The following HMGB1 variants were observed in gnomAD, a reference collection of about 807,000 sequenced individuals.
HMGB1 encodes high mobility group protein B1.
For synonymous variants in HMGB1, 81 were observed against 84.0 expected (o/e 0.96, Z 0.19); for missense variants, 79 against 253.5 (o/e 0.31, Z 4.67).
chr13:30,586,239 T>C (rs1322728238), intron 1 of HMGB1, among the ~76,000 whole-genome samples: 4 of 152,084 alleles, frequency 2.6e-5, no homozygotes, highest in African/African-American at 7.2e-5. Flanking sequence ...ATCTTTAACA[T>C]AGCTGATAAT....
chr13:30,580,877 A>C (rs1870870243), intron 1 of HMGB1, among the ~76,000 whole-genome samples: 2 of 152,150 alleles, frequency 1.3e-5, no homozygotes, highest in Non-Finnish European at 2.9e-5. Flanking sequence ...GCTAATCCTC[A>C]TTGGTCGTTA....
At chr13:30,491,979 T>C (rs556513812) in intron 1 of HMGB1, among the ~76,000 whole-genome samples, 2 of 151,732 alleles carry the variant, frequency 1.3e-5, no homozygotes, top group South Asian at 2.1e-4. Context: ...CCATCCTGGC[T>C]AACAAGGTGA....
intron 1 of HMGB1, among the ~76,000 whole-genome samples, chr13:30,506,221 GA>G (rs1410704145): frequency 2.0e-5 from 3 of 152,170 alleles, no homozygotes; most frequent in Non-Finnish European, 4.4e-5. Context: ...TTGCAGGGAG[GA>G]ATGAGCTGAG....
intron 1 of HMGB1, among the ~76,000 whole-genome samples, chr13:30,499,107 C>T (rs555812988): frequency 5.6e-4 from 85 of 152,158 alleles, no homozygotes; most frequent in African/African-American, 2.0e-3. Flanking sequence ...TGTGCACTAC[C>T]ATGCCCAGCT....
Position 30,587,926 on chromosome 13 carries a change from G to T in HMGB1, c.-15+28745C>A, listed in dbSNP as rs149565335. ...GCTCAATACATAATGACTAATCTCTGGAAAAAAGCAAGTGTGAGAATGGAA... is the reference window on the plus strand; with the variant it reads ...GCTCAATACATAATGACTAATCTCTTGAAAAAAGCAAGTGTGAGAATGGAA... On this transcript the variant is annotated intron_variant, in intron 1 of 4. Transcript: ENST00000405805. Among the ~76,000 whole-genome samples the T allele has an allele frequency of 3.6e-3, 542 of 152,196 alleles. 2 individuals are homozygous for T. The highest frequency in any genetic ancestry group is 0.011 in the African/African-American group (460 of 41,524).
intron 1 of HMGB1, among the ~76,000 whole-genome samples, chr13:30,584,885 C>CT (rs1394723409): frequency 1.3e-5 from 2 of 152,200 alleles, no homozygotes; most frequent in East Asian, 3.9e-4. Flanking sequence ...CAGTGGTTCA[C>CT]GCCTGTAATC....
intron 1 of HMGB1, among the ~76,000 whole-genome samples, chr13:30,482,144 T>G (rs9550568): frequency 2.6e-5 from 4 of 152,118 alleles, no homozygotes; most frequent in Non-Finnish European, 5.9e-5. Context: ...AGGTTAATAT[T>G]TCTCTTGGAG....
At chr13:30,576,279 C>T (rs898155161) in intron 1 of HMGB1, among the ~76,000 whole-genome samples, 1 of 152,120 alleles carries the variant, frequency 6.6e-6, no homozygotes, top group Admixed American at 6.5e-5. Context: ...AAATTCTACT[C>T]CTGCCTGTAC....
upstream of HMGB1, among the ~76,000 whole-genome samples, chr13:30,470,823 AT>A (rs1273161564): frequency 6.6e-6 from 1 of 151,598 alleles, no homozygotes; most frequent in African/African-American, 2.4e-5. Flanking sequence ...TAATTTTTGT[AT>A]TTTTAGTAGA....
At chr13:30,599,800 T>C (rs1266031073) in intron 1 of HMGB1, among the ~76,000 whole-genome samples, 2 of 152,150 alleles carry the variant, frequency 1.3e-5, no homozygotes, top group Non-Finnish European at 2.9e-5. Flanking sequence ...CCAAATACAG[T>C]CACATTCCGA....
Position 30,574,422 on chromosome 13 carries a change from G to C in HMGB1, c.-15+42249C>G, listed in dbSNP as rs1037648117. On this transcript the variant is annotated intron_variant, in intron 1 of 4. Coordinates refer to the HMGB1 transcript ENST00000405805. ...TGCTAACACACTGTCTACCATAGATGATGTTCAATAAATGGTTGCTAAATG... is the reference window on the plus strand; with the variant it reads ...TGCTAACACACTGTCTACCATAGATCATGTTCAATAAATGGTTGCTAAATG... Among the ~76,000 whole-genome samples, 61 of 152,070 alleles carry C rather than the reference G, an allele frequency of 4.0e-4. 1 individual carries two copies. Among genetic ancestry groups the C allele is most frequent in the South Asian group, 1.0e-3 (5 of 4,802 alleles).
At chr13:30,513,284 T>A (rs946974674) in intron 1 of HMGB1, among the ~76,000 whole-genome samples, 29 of 152,220 alleles carry the variant, frequency 1.9e-4, no homozygotes, top group African/African-American at 6.8e-4. Flanking sequence ...CTTTAGTCAC[T>A]TTTCATGTGG....
chr13:30,612,154 G>T (rs1447347138), intron 1 of HMGB1, among the ~76,000 whole-genome samples: 1 of 151,408 alleles, frequency 6.6e-6, no homozygotes. Context: ...GTATGTGTGT[G>T]TGTTATACAT....
chr13:30,526,124 T>G (rs888856030), intron 1 of HMGB1, among the ~76,000 whole-genome samples: 1 of 152,198 alleles, frequency 6.6e-6, no homozygotes, highest in Non-Finnish European at 1.5e-5. Context: ...TAGCATGATA[T>G]TGGCTCAATG....
At chr13:30,463,468 T>C in intron 2 of HMGB1, 63 bp downstream of exon 2, 1 of 1,562,492 alleles carries the variant, frequency 6.4e-7, no homozygotes, top group South Asian at 1.2e-5. Context: ...TAGGCTTTTT[T>C]TTGCATCCTC....
intron 1 of HMGB1, among the ~76,000 whole-genome samples, chr13:30,476,358 C>T (rs964633867): frequency 1.3e-5 from 2 of 151,428 alleles, no homozygotes; most frequent in African/African-American, 4.9e-5. Flanking sequence ...AGACTGGTCT[C>T]GAACTCCTGA....
intron 1 of HMGB1, among the ~76,000 whole-genome samples, chr13:30,465,570 G>C (rs962164539): frequency 1.9e-4 from 28 of 151,304 alleles, no homozygotes; most frequent in African/African-American, 4.1e-4. Flanking sequence ...GGGGCGCGGG[G>C]CTCCCGGCGC....
intron 1 of HMGB1, among the ~76,000 whole-genome samples, chr13:30,589,386 G>T (rs574976358): frequency 2.0e-5 from 3 of 152,218 alleles, no homozygotes; most frequent in African/African-American, 7.2e-5. Context: ...GTAAGTGGAG[G>T]GGCTAGAATT....
At chr13:30,537,366 ACAAAT>A (rs1868486823) in intron 1 of HMGB1, among the ~76,000 whole-genome samples, 1 of 152,072 alleles carries the variant, frequency 6.6e-6, no homozygotes, top group Non-Finnish European at 1.5e-5. Context: ...ACAGAAGAGC[ACAAAT>A]CATTTTACAA....
Sources: allele counts gnomAD v4.1 joint callset (sites outside exome capture counted in the v4.1 genomes callset), GRCh38; gene constraint gnomAD v4.1.1; transcripts MANE v1.5; gene names NCBI Gene and HGNC (gene_info 2026-07-23, HGNC 2026-07-21).